Variants in OR10J1 observed in about 807,000 individuals in gnomAD.
OR10J1 encodes the protein olfactory receptor family 10 subfamily J member 1, also known as olfactory receptor 10J1.
For missense variants in OR10J1, 474 were observed against 376.6 expected (o/e 1.26, Z -2.14); for synonymous variants, 202 against 143.8 (o/e 1.40, Z -2.89).
At chr1:159,430,640 G>GGTGTGTGTGTGT in the OR10J1 span, among the ~76,000 whole-genome samples, 13,219 of 140,606 alleles carry the variant, frequency 0.094, 791 homozygotes, top group South Asian at 0.16. Context: ...AAAAAATTAT[G>GGTGTGTGTGTGT]GTGTGTGTGT....
chr1:159,428,661 A>C, the OR10J1 span, among the ~76,000 whole-genome samples: 2 of 152,196 alleles, frequency 1.3e-5, no homozygotes, highest in East Asian at 3.9e-4. Flanking sequence ...AAGCAGTGAT[A>C]AATATGCCGT....
At chr1:159,422,114 G>T in the OR10J1 span, among the ~76,000 whole-genome samples, 1 of 152,164 alleles carries the variant, frequency 6.6e-6, no homozygotes, top group South Asian at 2.1e-4. Flanking sequence ...GACCCCAACA[G>T]TAGTGTGCTC....
chr1:159,399,277 T>C, the OR10J1 span, among the ~76,000 whole-genome samples: 1 of 151,982 alleles, frequency 6.6e-6, no homozygotes, highest in African/African-American at 2.4e-5. Flanking sequence ...AGGTCTGTCC[T>C]GTAAGAAATT....
At chr1:159,430,668 T>TGTGTGTGTGTGCAC in the OR10J1 span, among the ~76,000 whole-genome samples, 1 of 69,614 alleles carries the variant, frequency 1.4e-5, no homozygotes, top group Non-Finnish European at 5.0e-5. Flanking sequence ...TGTGTGTGTG[T>TGTGTGTGTGTGCAC]GCGCGCGCGC....
At chr1:159,403,610 A>T in the OR10J1 span, among the ~76,000 whole-genome samples, 1 of 152,180 alleles carries the variant, frequency 6.6e-6, no homozygotes, top group East Asian at 1.9e-4. Flanking sequence ...AAGACAAGAC[A>T]ATAGCAAATG....
the OR10J1 span, among the ~76,000 whole-genome samples, chr1:159,409,724 T>A: frequency 2.0e-5 from 3 of 151,942 alleles, no homozygotes; most frequent in African/African-American, 7.2e-5. Context: ...TCCAATTTTT[T>A]AAAAATTATA....
chr1:159,431,570 G>A, the OR10J1 span, among the ~76,000 whole-genome samples: 3 of 152,156 alleles, frequency 2.0e-5, no homozygotes, highest in Non-Finnish European at 4.4e-5. Flanking sequence ...CAGGTATTCA[G>A]TACTTTCTCT....
chr1:159,436,399 C>T (rs989823006), upstream of OR10J1, among the ~76,000 whole-genome samples: 6 of 152,112 alleles, frequency 3.9e-5, no homozygotes, highest in Admixed American at 3.9e-4. Context: ...GATTCAGTTA[C>T]AAGCCCTATT....
the OR10J1 span, among the ~76,000 whole-genome samples, chr1:159,401,073 C>T: frequency 6.6e-6 from 1 of 151,356 alleles, no homozygotes; most frequent in Non-Finnish European, 1.5e-5. Context: ...GGAACCACAA[C>T]ATACCAAAAC....
At chr1:159,432,508 T>G in the OR10J1 span, 3 of 447,486 alleles carry the variant, frequency 6.7e-6, no homozygotes, top group Admixed American at 3.6e-5. Flanking sequence ...GCCGCTCAGC[T>G]CTTTTTCTAT....
the OR10J1 span, among the ~76,000 whole-genome samples, chr1:159,400,257 A>G: frequency 6.6e-6 from 1 of 152,010 alleles, no homozygotes; most frequent in African/African-American, 2.4e-5. Flanking sequence ...CGAATGGACT[A>G]AACTCTCCAG....
At chr1:159,413,139 A>G in the OR10J1 span, among the ~76,000 whole-genome samples, 1 of 152,220 alleles carries the variant, frequency 6.6e-6, no homozygotes, top group Non-Finnish European at 1.5e-5. Context: ...CCACAATGAG[A>G]TACCACCTCA....
the OR10J1 span, among the ~76,000 whole-genome samples, chr1:159,415,444 C>T: frequency 6.6e-6 from 1 of 152,040 alleles, no homozygotes; most frequent in African/African-American, 2.4e-5. Context: ...TGTTTTTATA[C>T]TAATACCATG....
At chr1:159,410,418 T>G in the OR10J1 span, among the ~76,000 whole-genome samples, 1 of 152,182 alleles carries the variant, frequency 6.6e-6, no homozygotes, top group South Asian at 2.1e-4. Context: ...CTTCCTGGTT[T>G]AGTCTTGGGA....
chr1:159,418,076 G>T, the OR10J1 span, among the ~76,000 whole-genome samples: 1 of 152,136 alleles, frequency 6.6e-6, no homozygotes, highest in Non-Finnish European at 1.5e-5. Context: ...GGTGACTTTG[G>T]TGCTGTTAAA....
At chr1:159,397,937 G>A in the OR10J1 span, among the ~76,000 whole-genome samples, 1 of 152,212 alleles carries the variant, frequency 6.6e-6, no homozygotes, top group Non-Finnish European at 1.5e-5. Flanking sequence ...GCTACAGCAG[G>A]CCTTGGGCAA....
Position 159,440,379 on chromosome 1 carries a change from C to G in OR10J1, c.588C>G (p.Ile196Met). Residue 196 changes from isoleucine (I) to methionine (M), a missense_variant, in exon 1 of 1, where the codon ATC becomes ATG. By Grantham distance (10) the Ile-to-Met change is conservative. Coordinates refer to ENST00000423932, the MANE Select transcript of OR10J1 (RefSeq NM_012351.3). ...GCATTGACACCACTGTCAATGAAAT[C>G]CTGACTTTGATTATCAGTGTGCTGG... ...LSCIDTTVNEILTLIISVLVL... is the reference protein window; with the variant it reads ...LSCIDTTVNEMLTLIISVLVL... 1.2e-6 allele frequency: 2 copies of G among 1,614,124 alleles called. No individual in the cohort carries two copies. Among genetic ancestry groups the G allele is most frequent in the Non-Finnish European group, 1.7e-6 (2 of 1,180,018 alleles).
At chr1:159,407,282 A>G in the OR10J1 span, among the ~76,000 whole-genome samples, 2 of 152,140 alleles carry the variant, frequency 1.3e-5, no homozygotes, top group East Asian at 3.9e-4. Context: ...CTGAAGCCAC[A>G]CTGCCCAGAA....
the OR10J1 span, among the ~76,000 whole-genome samples, chr1:159,424,453 TATA>T: frequency 2.0e-5 from 1 of 48,910 alleles, no homozygotes; most frequent in African/African-American, 3.4e-5. Flanking sequence ...AATATGTAAA[TATA>T]TAATATAAAT....
Sources: gnomAD v4.1 joint callset for allele counts (sites outside exome capture counted in the v4.1 genomes callset) on GRCh38, gnomAD v4.1.1 for gene constraint, MANE v1.5 for transcripts, NCBI Gene and HGNC (gene_info 2026-07-23, HGNC 2026-07-21) for gene names.